SYNE2: variants seen among roughly 807,000 people sequenced by gnomAD.
SYNE2 encodes spectrin repeat containing nuclear envelope protein 2.
In SYNE2, 431 loss-of-function variants were observed where a neutral mutation model predicts 856.3. The observed-to-expected ratio is 0.50, with a 90% CI of 0.47 to 0.55. The LOEUF is 0.55. SYNE2 is among the 20% of genes least tolerant of loss of function. SYNE2 has a pLI of 0.00. For missense variants in SYNE2, 8,129 were observed against 8,023.2 expected (o/e 1.01, Z -0.50); for synonymous variants, 2,923 against 2,872.3 (o/e 1.02, Z -0.56).
rs754533115 is a variant in SYNE2, at chr14:64,054,075, G to A, written c.9744+418G>A. On this transcript the variant is annotated intron_variant, in intron 48 of 115. Coordinates refer to ENST00000555002, the MANE Select transcript of SYNE2 (RefSeq NM_182914.3). ...GTCTGTAATTCCAAAGAAGCTATAG[G>A]TTCTACGTAGAAATTCTCTACAGAA... Among the ~76,000 whole-genome samples, 136 of 152,222 alleles carry A rather than the reference G, an allele frequency of 8.9e-4. 1 individual carries two copies. The highest frequency in any genetic ancestry group is 1.6e-3 in the Non-Finnish European group (110 of 67,996).
chr14:63,947,525 A>T (rs1487103157), intron 6 of SYNE2, among the ~76,000 whole-genome samples: 1 of 152,086 alleles, frequency 6.6e-6, no homozygotes, highest in African/African-American at 2.4e-5. Flanking sequence ...TATCCAGTTG[A>T]CTCAATAGTT....
chr14:63,906,474 T>C (rs1052131051), intron 1 of SYNE2, among the ~76,000 whole-genome samples: 3 of 152,118 alleles, frequency 2.0e-5, no homozygotes, highest in Non-Finnish European at 4.4e-5. Context: ...AAAATTATTA[T>C]TGGTTCAACT....
chr14:63,811,727 G>A (rs988316670), intron 1 of SYNE2, among the ~76,000 whole-genome samples: 1 of 152,236 alleles, frequency 6.6e-6, no homozygotes, highest in Non-Finnish European at 1.5e-5. Context: ...TTACAGCTAG[G>A]CTTCCGGGGG....
intron 7 of SYNE2, 42 bp downstream of exon 7, chr14:63,950,048 T>C: frequency 6.2e-7 from 1 of 1,605,774 alleles, no homozygotes; most frequent in South Asian, 1.1e-5. Context: ...ACAGGGCAGC[T>C]GTATCAACCA....
intron 51 of SYNE2, 144 bp downstream of exon 51, chr14:64,065,794 A>G: frequency 2.1e-6 from 2 of 931,750 alleles, no homozygotes; most frequent in Non-Finnish European, 3.3e-6. Flanking sequence ...ATAAATGTTT[A>G]TAGATGTCAG....
At chr14:63,973,123 G>T (rs1262237) in intron 11 of SYNE2, among the ~76,000 whole-genome samples, 1 of 151,708 alleles carries the variant, frequency 6.6e-6, no homozygotes, top group Admixed American at 6.6e-5. Context: ...AAGCATGGTG[G>T]CACACACCTG....
In SYNE2 at chr14:64,138,946, G is replaced by GGTGTGTGTGT. The variant is rs150016027; in HGVS notation, c.14844-970_14844-961dup. The stretch of plus-strand genomic sequence containing the variant: ...TGTGTGTGTGTGTGTGTGTATGTAT[G>GGTGTGTGTGT]GTGTGTGTGTGTGTGTGTGTGTGTG... On this transcript the variant is annotated intron_variant, in intron 79 of 115. Transcript: ENST00000555002. Among the ~76,000 whole-genome samples, 631 of 137,762 alleles carry GGTGTGTGTGT rather than the reference G, an allele frequency of 4.6e-3. 3 individuals are homozygous for GGTGTGTGTGT. The highest frequency in any genetic ancestry group is 5.6e-3 in the Non-Finnish European group (359 of 64,390). The allele number at this position is 137,762 out of a possible 152,430, so 90.4% of individuals were successfully genotyped here. A position where few individuals can be genotyped will look rare whatever the true frequency, so the allele number is the denominator to read the frequency against.
chr14:64,171,745 G>C (rs1050860289), intron 94 of SYNE2, among the ~76,000 whole-genome samples: 2 of 152,206 alleles, frequency 1.3e-5, no homozygotes, highest in Non-Finnish European at 2.9e-5. Flanking sequence ...GGGTAGGGAG[G>C]AGTGTTTTGC....
intron 1 of SYNE2, among the ~76,000 whole-genome samples, chr14:63,807,420 C>T (rs1483029561): frequency 6.7e-6 from 1 of 150,112 alleles, no homozygotes; most frequent in Non-Finnish European, 1.5e-5. Context: ...GACTAAAGGA[C>T]AAAAACTGAA....
At chr14:64,195,788 T>C (rs1311174297) in intron 99 of SYNE2, among the ~76,000 whole-genome samples, 1 of 152,246 alleles carries the variant, frequency 6.6e-6, no homozygotes, top group Non-Finnish European at 1.5e-5. Flanking sequence ...ACAATGCTGC[T>C]AGTCACGAAG....
intron 96 of SYNE2, among the ~76,000 whole-genome samples, chr14:64,181,164 T>G (rs1372936199): frequency 6.6e-6 from 1 of 152,208 alleles, no homozygotes; most frequent in Non-Finnish European, 1.5e-5. Context: ...GCAGAAGTAT[T>G]AATAGCTGAG....
chr14:63,762,004 GT>G, intron 1 of SYNE2: 1 of 455,530 alleles, frequency 2.2e-6, no homozygotes, highest in South Asian at 1.7e-5. Flanking sequence ...GTTTTGACAA[GT>G]TTGCATCATG....
intron 1 of SYNE2, among the ~76,000 whole-genome samples, chr14:63,766,549 A>G (rs1438882452): frequency 6.6e-6 from 1 of 152,206 alleles, no homozygotes; most frequent in African/African-American, 2.4e-5. Flanking sequence ...TACCATATAC[A>G]GTTATCCAGT....
chr14:63,955,050 G>T, intron 8 of SYNE2, 135 bp downstream of exon 8: 1 of 733,300 alleles, frequency 1.4e-6, no homozygotes, highest in Non-Finnish European at 2.3e-6. Flanking sequence ...GCTCTTTATC[G>T]AATTTGATGC....
chr14:64,217,787 A>G (rs2098673689), intron 108 of SYNE2, among the ~76,000 whole-genome samples: 1 of 152,202 alleles, frequency 6.6e-6, no homozygotes, highest in Non-Finnish European at 1.5e-5. Flanking sequence ...CCATACAGAC[A>G]GAAGAAAGAC....
intron 11 of SYNE2, among the ~76,000 whole-genome samples, chr14:63,969,888 A>C (rs916931254): frequency 6.6e-6 from 1 of 152,094 alleles, no homozygotes; most frequent in Admixed American, 6.6e-5. Flanking sequence ...AATGCTGTCA[A>C]ATTTTGCTTC....
chr14:63,914,877 A>G (rs1361334835), intron 2 of SYNE2, among the ~76,000 whole-genome samples: 1 of 152,174 alleles, frequency 6.6e-6, no homozygotes, highest in Non-Finnish European at 1.5e-5. Context: ...TCCTGGGTTC[A>G]AGCAGTTCTT....
chr14:63,797,069 ACTT>A, intron 1 of SYNE2, among the ~76,000 whole-genome samples: 1 of 141,722 alleles, frequency 7.1e-6, no homozygotes, highest in Non-Finnish European at 1.5e-5. Context: ...ACAGAGTAAG[ACTT>A]CATCTCAAAA....
chr14:64,165,607 G>A (rs1208762444), intron 90 of SYNE2, among the ~76,000 whole-genome samples, 197 bp downstream of exon 90: 1 of 151,514 alleles, frequency 6.6e-6, no homozygotes, highest in Non-Finnish European at 1.5e-5. Flanking sequence ...CCACCTCCCG[G>A]GTTCAAGCCA....
Sources: gnomAD v4.1 joint callset for allele counts (sites outside exome capture counted in the v4.1 genomes callset) on GRCh38, gnomAD v4.1.1 for gene constraint, MANE v1.5 for transcripts, NCBI Gene and HGNC (gene_info 2026-07-23, HGNC 2026-07-21) for gene names.